Variants in NRXN3 observed in about 807,000 individuals in gnomAD.
The protein encoded by NRXN3 is neurexin 3.
In NRXN3, 32 loss-of-function variants were observed where a neutral mutation model predicts 137.6. The ratio of observed to expected loss-of-function variants is 0.23; its 90% CI spans 0.18 to 0.31. The LOEUF is 0.31. NRXN3 is among the 10% of genes least tolerant of loss of function. NRXN3 has a pLI of 1.00. For synonymous variants in NRXN3, 798 were observed against 784.5 expected (o/e 1.02, Z -0.29); for missense variants, 1,574 against 2,062.5 (o/e 0.76, Z 4.59).
intron 4 of NRXN3, among the ~76,000 whole-genome samples, chr14:78,434,543 A>T (rs1242141814): frequency 6.6e-6 from 1 of 151,986 alleles, no homozygotes; most frequent in African/African-American, 2.4e-5. Context: ...ATGCAATTAA[A>T]CTCATAGCAC....
chr14:78,191,622 G>GT (rs1425332320), intron 1 of NRXN3, among the ~76,000 whole-genome samples: 1 of 152,192 alleles, frequency 6.6e-6, no homozygotes, highest in Non-Finnish European at 1.5e-5. Context: ...GGAAAGCCTG[G>GT]TTTCATCTCT....
At chr14:79,457,685 C>G (rs925157201) in intron 15 of NRXN3, among the ~76,000 whole-genome samples, 2 of 152,172 alleles carry the variant, frequency 1.3e-5, no homozygotes, top group South Asian at 2.1e-4. Flanking sequence ...TTTACAGCCC[C>G]TGGCCTCTTG....
At chr14:79,419,944 C>G (rs1567074934) in intron 15 of NRXN3, among the ~76,000 whole-genome samples, 1 of 152,102 alleles carries the variant, frequency 6.6e-6, no homozygotes, top group Non-Finnish European at 1.5e-5. Flanking sequence ...AAGCTTAAGG[C>G]AGGACATGAC....
At chr14:78,696,663 A>G (rs559485792) in intron 6 of NRXN3, among the ~76,000 whole-genome samples, 1 of 152,200 alleles carries the variant, frequency 6.6e-6, no homozygotes, top group South Asian at 2.1e-4. Flanking sequence ...GTGGCCATCT[A>G]TTCCAGGTCA....
In NRXN3 at chr14:78,464,254, C is replaced by A. The variant is rs1028359142; in HGVS notation, c.757+166394C>A. On this transcript the variant is annotated intron_variant, in intron 4 of 20. Coordinates refer to ENST00000335750, the MANE Select transcript of NRXN3 (RefSeq NM_001330195.2). ...TATTTTTAGTAGAGACTGGGTTTCA[C>A]CGTGTTGGCCAGACTGGTCTCAAAC... Among the ~76,000 whole-genome samples, 5 of 152,094 alleles carry A rather than the reference C, an allele frequency of 3.3e-5. No homozygotes were observed. The South Asian group carries it at 6.2e-4, about 19-fold the overall frequency.
At chr14:78,310,184 C>T (rs981641913) in intron 4 of NRXN3, among the ~76,000 whole-genome samples, 5 of 150,962 alleles carry the variant, frequency 3.3e-5, no homozygotes, top group African/African-American at 1.2e-4. Context: ...AAATTTGGAG[C>T]AGGTCAACAG....
rs1235482034 is a variant in NRXN3 at position 79,150,714 on chromosome 14, A to G, written c.3262+162573A>G. On this transcript the variant is annotated intron_variant, in intron 15 of 20. Coordinates refer to ENST00000335750, the MANE Select transcript of NRXN3 (RefSeq NM_001330195.2). ...ATTAACCCAATTAGATAAATAAAAA[A>G]AAAAAAAGAAAAAGAAATTACAGCT... Among the ~76,000 whole-genome samples, 8 of 152,160 alleles carry G rather than the reference A, an allele frequency of 5.3e-5. No homozygotes were observed. The South Asian group carries it at 1.0e-3, about 20-fold the overall frequency.
chr14:79,719,739 T>C (rs2098837667), intron 19 of NRXN3, among the ~76,000 whole-genome samples: 1 of 152,258 alleles, frequency 6.6e-6, no homozygotes, highest in African/African-American at 2.4e-5. Flanking sequence ...TTCACATGCA[T>C]GCAACATTCT....
chr14:78,936,508 A>G (rs154326), intron 10 of NRXN3, among the ~76,000 whole-genome samples: 1 of 152,090 alleles, frequency 6.6e-6, no homozygotes, highest in African/African-American at 2.4e-5. Context: ...AGAAAACAGA[A>G]CCCTGGCTGC....
chr14:78,303,628 C>G (rs1207613419), intron 4 of NRXN3, among the ~76,000 whole-genome samples: 1 of 152,146 alleles, frequency 6.6e-6, no homozygotes, highest in Non-Finnish European at 1.5e-5. Context: ...CACCTATCAC[C>G]CCTGCCAGCT....
chr14:79,214,295 A>G (rs1285341199), intron 15 of NRXN3, among the ~76,000 whole-genome samples: 1 of 152,238 alleles, frequency 6.6e-6, no homozygotes, highest in Non-Finnish European at 1.5e-5. Flanking sequence ...TAGTTGATAA[A>G]GTGCCTAGAC....
At position 78,993,763 on chromosome 14, in the gene NRXN3, T is replaced by C. The variant is rs1445376743; in HGVS notation, c.3262+5622T>C. Among the ~76,000 whole-genome samples the C allele has an allele frequency of 2.7e-5, 4 of 150,514 alleles. 1 individual carries two copies. The East Asian group carries it at 8.0e-4, about 30-fold the overall frequency. On this transcript the variant is annotated intron_variant, in intron 15 of 20. Coordinates refer to ENST00000335750, the MANE Select transcript of NRXN3 (RefSeq NM_001330195.2). The stretch of plus-strand genomic sequence containing the variant: ...AGTCATAAGGTGGAGTAATGGCAGC[T>C]GTCCCCAGGGTTGAGACTCTATGAA...
chr14:78,911,234 G>C (rs2099236666), intron 10 of NRXN3, among the ~76,000 whole-genome samples: 1 of 152,094 alleles, frequency 6.6e-6, no homozygotes, highest in Admixed American at 6.6e-5. Context: ...ATGAGGGCTG[G>C]TAATTGGGCA....
intron 2 of NRXN3, among the ~76,000 whole-genome samples, chr14:78,255,838 G>C (rs1410051151): frequency 6.6e-6 from 1 of 152,198 alleles, no homozygotes; most frequent in African/African-American, 2.4e-5. Flanking sequence ...GTGTGTGCCT[G>C]TGCTCCCTAA....
intron 6 of NRXN3, among the ~76,000 whole-genome samples, chr14:78,667,933 G>A (rs1278815799): frequency 2.0e-5 from 3 of 152,148 alleles, no homozygotes; most frequent in East Asian, 1.9e-4. Flanking sequence ...ACAAGCGCCC[G>A]CCACCACGCC....
intron 16 of NRXN3, among the ~76,000 whole-genome samples, chr14:79,523,004 G>A (rs2097083096): frequency 1.3e-5 from 2 of 151,870 alleles, no homozygotes; most frequent in Admixed American, 1.3e-4. Flanking sequence ...TTGCTTACTT[G>A]CTTGGTTGCT....
chr14:79,227,824 T>TCCGC (rs2071334989), intron 15 of NRXN3, among the ~76,000 whole-genome samples: 1 of 83,318 alleles, frequency 1.2e-5, no homozygotes, highest in Non-Finnish European at 2.5e-5. Context: ...CTTCCTCCCT[T>TCCGC]CCTCCCTTCC....
intron 4 of NRXN3, among the ~76,000 whole-genome samples, chr14:78,641,255 G>C (rs1286846034): frequency 6.6e-6 from 1 of 152,124 alleles, no homozygotes; most frequent in Non-Finnish European, 1.5e-5. Context: ...CTACTGGAAG[G>C]AAATTAAGAT....
At chr14:79,587,945 T>G (rs1403693334) in intron 16 of NRXN3, among the ~76,000 whole-genome samples, 2 of 152,248 alleles carry the variant, frequency 1.3e-5, no homozygotes, top group African/African-American at 2.4e-5. Context: ...TATTGTTAGT[T>G]GTCCCTTGAA....
Sources: allele counts gnomAD v4.1 joint callset (sites outside exome capture counted in the v4.1 genomes callset), GRCh38; gene constraint gnomAD v4.1.1; transcripts MANE v1.5; gene names NCBI Gene and HGNC (gene_info 2026-07-23, HGNC 2026-07-21).